ANO6: variants seen among roughly 807,000 people sequenced by gnomAD.
ANO6 encodes the protein anoctamin 6, also known as anoctamin-6.
Under a neutral mutation model 117.5 loss-of-function variants are expected in ANO6, and 106 were observed. That is an observed-to-expected ratio of 0.90 (90% CI 0.77 to 1.06). The LOEUF is 1.06. Ranked by LOEUF, ANO6 falls within the 50% of genes least tolerant of loss-of-function variation. The pLI is 0.00. For missense variants in ANO6, 955 were observed against 1,121.1 expected (o/e 0.85, Z 2.12); for synonymous variants, 367 against 385.1 (o/e 0.95, Z 0.55).
intron 10 of ANO6, among the ~76,000 whole-genome samples, chr12:45,384,789 G>A (rs562129657): frequency 6.6e-6 from 1 of 152,202 alleles, no homozygotes; most frequent in South Asian, 2.1e-4. Context: ...ACTAAAATGT[G>A]ACACAAAGTG....
chr12:45,374,722 C>T (rs1306939426), intron 9 of ANO6, among the ~76,000 whole-genome samples: 87 of 147,510 alleles, frequency 5.9e-4, no homozygotes, highest in African/African-American at 1.9e-3. Flanking sequence ...TAAGAGCTAT[C>T]TATGACAAAC....
chr12:45,245,973 A>G (rs764834078), intron 1 of ANO6, among the ~76,000 whole-genome samples: 2 of 151,556 alleles, frequency 1.3e-5, no homozygotes, highest in Non-Finnish European at 2.9e-5. Flanking sequence ...CAAGAACATT[A>G]TTAAGTTGAT....
intron 1 of ANO6, among the ~76,000 whole-genome samples, chr12:45,232,010 A>G (rs966526186): frequency 6.6e-6 from 1 of 152,206 alleles, no homozygotes; most frequent in Non-Finnish European, 1.5e-5. Flanking sequence ...GGAATTTGGT[A>G]GCAATGAGTC....
chr12:45,356,690 T>G (rs1941419749), intron 7 of ANO6, among the ~76,000 whole-genome samples: 1 of 152,144 alleles, frequency 6.6e-6, no homozygotes, highest in Admixed American at 6.5e-5. Flanking sequence ...AGTAGGGTTA[T>G]TCTTGCTGTC....
chr12:45,421,248 G>A lies in ANO6; in HGVS notation c.2395G>A (p.Asp799Asn). Residue 799 changes from aspartate (D) to asparagine (N), a missense_variant, in exon 18 of 20, where the codon GAC becomes AAC. By Grantham distance (23) the Asp-to-Asn change is conservative. Coordinates refer to ENST00000320560, the MANE Select transcript of ANO6 (RefSeq NM_001025356.3). The stretch of plus-strand genomic sequence containing the variant: ...CAAAAGCAAGGGAAACCCGTACTCT[G>A]ACCTGGGTAACCATACCACATGCAG... The part of the protein sequence containing the change: ...KNKSKGNPYS[D>N]LGNHTTCRYR... 1 of 1,614,114 alleles carries A rather than the reference G, an allele frequency of 6.2e-7. No homozygotes were observed. Among genetic ancestry groups the A allele is most frequent in the South Asian group, 1.1e-5 (1 of 91,078 alleles).
chr12:45,321,659 C>T (rs758100147), intron 2 of ANO6, among the ~76,000 whole-genome samples: 22 of 151,968 alleles, frequency 1.4e-4, no homozygotes, highest in Non-Finnish European at 2.8e-4. Flanking sequence ...TGTTCATTTT[C>T]GAGAAAGTAT....
intron 1 of ANO6, among the ~76,000 whole-genome samples, chr12:45,230,832 T>C (rs1179137992): frequency 6.6e-6 from 1 of 152,208 alleles, no homozygotes; most frequent in Non-Finnish European, 1.5e-5. Context: ...TTTTTACTTA[T>C]TTCAATGGTT....
At chr12:45,262,580 A>G (rs113692963) in intron 1 of ANO6, among the ~76,000 whole-genome samples, 2,419 of 152,068 alleles carry the variant, frequency 0.016, 60 homozygotes, top group African/African-American at 0.054. Flanking sequence ...GTGTGCCACC[A>G]CACCTGGCTA....
At chr12:45,245,420 A>ATT (rs397965166) in intron 1 of ANO6, among the ~76,000 whole-genome samples, 66 of 132,318 alleles carry the variant, frequency 5.0e-4, no homozygotes, top group African/African-American at 1.5e-3. Context: ...CAAAAAACTG[A>ATT]TTTTTTTTTT....
intron 19 of ANO6, among the ~76,000 whole-genome samples, chr12:45,427,901 T>C (rs1337429982): frequency 2.9e-5 from 4 of 135,618 alleles, no homozygotes; most frequent in African/African-American, 5.7e-5. Flanking sequence ...ATCGCACCAC[T>C]GCATTCAAGC....
chr12:45,439,581 C>T lies in ANO6; in HGVS notation c.2527-94C>T, dbSNP rs1943746674. On this transcript the variant is annotated intron_variant, in intron 19 of 19. Coordinates refer to the ANO6 transcript ENST00000425752. ...ACAAATTCTCAAAGGTAAATACTAA[C>T]ACTCATTTTCATTCAGCTTACCTGA... The T allele has an allele frequency of 4.4e-6, 5 of 1,143,186 alleles. No individual in the cohort carries two copies. The South Asian group carries it at 8.2e-5, about 19-fold the overall frequency. 70.8% of individuals were successfully genotyped at this position (1,143,186 alleles called of 1,614,324 possible). A position where few individuals can be genotyped will look rare whatever the true frequency, so the allele number is the denominator to read the frequency against.
chr12:45,225,728 A>G (rs540703990), intron 1 of ANO6, among the ~76,000 whole-genome samples: 3 of 152,278 alleles, frequency 2.0e-5, no homozygotes, highest in East Asian at 3.9e-4. Flanking sequence ...TGACTTCGTT[A>G]TCCTCCCGCC....
intron 2 of ANO6, among the ~76,000 whole-genome samples, chr12:45,324,370 A>G (rs1417086674): frequency 6.6e-6 from 1 of 152,192 alleles, no homozygotes; most frequent in South Asian, 2.1e-4. Flanking sequence ...AGTAATATCT[A>G]TATAAAACAT....
At position 45,378,035 on chromosome 12, in the gene ANO6, G is replaced by A; in HGVS notation, c.1105-18G>A. On this transcript the variant is annotated intron_variant, in intron 9 of 19. Coordinates refer to ENST00000320560, the MANE Select transcript of ANO6 (RefSeq NM_001025356.3). ...AGTGGAGGATATGACTCATTTATAT[G>A]TCATTTATATTTTCCAGAAATTGTG... is the stretch of plus-strand genomic sequence containing the variant. The A allele has an allele frequency of 1.2e-6, 2 of 1,602,520 alleles. No individual in the cohort carries two copies. The highest frequency in any genetic ancestry group is 2.2e-5 in the East Asian group (1 of 44,696).
chr12:45,301,976 T>A, intron 1 of ANO6, 38 bp from the exon 2 acceptor site: 1 of 1,576,782 alleles, frequency 6.3e-7, no homozygotes, highest in African/African-American at 1.3e-5. Flanking sequence ...CCAGTGCAGG[T>A]TCATGCTTCA....
At chr12:45,387,569 C>G (rs1303680763) in intron 10 of ANO6, among the ~76,000 whole-genome samples, 1 of 152,222 alleles carries the variant, frequency 6.6e-6, no homozygotes, top group Non-Finnish European at 1.5e-5. Context: ...CTGACCATCA[C>G]ATTGCCTTTC....
chr12:45,250,651 C>T (rs1291768303), intron 1 of ANO6, among the ~76,000 whole-genome samples: 1 of 151,688 alleles, frequency 6.6e-6, no homozygotes, highest in Non-Finnish European at 1.5e-5. Context: ...GATCCTCCCA[C>T]TTCTGCCTCT....
intron 9 of ANO6, among the ~76,000 whole-genome samples, chr12:45,370,825 A>G (rs1308577499): frequency 1.3e-5 from 2 of 152,120 alleles, no homozygotes; most frequent in African/African-American, 2.4e-5. Context: ...GTCTTCCTTG[A>G]GGTTTTTTAG....
chr12:45,363,176 A>G (rs923724575), intron 8 of ANO6, among the ~76,000 whole-genome samples: 2 of 152,136 alleles, frequency 1.3e-5, no homozygotes, highest in African/African-American at 4.8e-5. Context: ...CCCAAATCCA[A>G]AATGCTCCAC....
Sources: allele counts gnomAD v4.1 joint callset (sites outside exome capture counted in the v4.1 genomes callset), GRCh38; gene constraint gnomAD v4.1.1; transcripts MANE v1.5; gene names NCBI Gene and HGNC (gene_info 2026-07-23, HGNC 2026-07-21).